RABGAP1L: variants seen among roughly 807,000 people sequenced by gnomAD.
RABGAP1L encodes rab GTPase-activating protein 1-like.
RABGAP1L carries 63 observed loss-of-function variants against 137.7 expected under a neutral mutation model. The ratio of observed to expected loss-of-function variants is 0.46; its 90% CI spans 0.37 to 0.56. The LOEUF (loss-of-function observed/expected upper bound fraction) is 0.56, where lower values mean the gene tolerates loss of function less well. RABGAP1L is among the 20% of genes least tolerant of loss of function. The pLI is 0.00. For synonymous variants in RABGAP1L, 431 were observed against 433.7 expected, an observed-to-expected ratio of 0.99 and a Z score of 0.08; for missense variants, 1,095 against 1,244.0, an observed-to-expected ratio of 0.88 and a Z score of 1.80.
At chr1:174,189,843 G>T (rs1031171243) in intron 1 of RABGAP1L, among the ~76,000 whole-genome samples, 1 of 152,186 alleles carries the variant, frequency 6.6e-6, no homozygotes, top group Non-Finnish European at 1.5e-5. Flanking sequence ...GTGGTTGTGT[G>T]TGCCTGTAGT....
intron 18 of RABGAP1L, chr1:174,800,625 A>G: frequency 7.1e-7 from 1 of 1,404,016 alleles, no homozygotes; most frequent in Non-Finnish European, 9.5e-7. Context: ...TCTGCCGAGA[A>G]GGAAATGCTG....
chr1:174,392,262 A>G (rs1247689084), intron 12 of RABGAP1L, among the ~76,000 whole-genome samples: 1 of 152,214 alleles, frequency 6.6e-6, no homozygotes, highest in Non-Finnish European at 1.5e-5. Context: ...TTCCCTTTTA[A>G]TTCTATTACA....
intron 13 of RABGAP1L, among the ~76,000 whole-genome samples, chr1:174,506,641 G>A (rs775320624): frequency 3.9e-5 from 6 of 152,054 alleles, no homozygotes; most frequent in South Asian, 2.1e-4. Flanking sequence ...TAGGTAATGC[G>A]TGTGTTAAAT....
intron 13 of RABGAP1L, among the ~76,000 whole-genome samples, chr1:174,615,262 G>A (rs10912815): frequency 0.14 from 21,671 of 152,028 alleles, 5,171 homozygotes; most frequent in African/African-American, 0.49. Flanking sequence ...TTTTGGTGTG[G>A]ATGTCCTGTT....
chr1:174,653,609 A>G (rs1256572148), intron 14 of RABGAP1L, among the ~76,000 whole-genome samples: 1 of 152,180 alleles, frequency 6.6e-6, no homozygotes, highest in Non-Finnish European at 1.5e-5. Context: ...CTGTCTAACC[A>G]GTCTCAATGA....
chr1:174,328,476 A>C (rs866192018), intron 11 of RABGAP1L, among the ~76,000 whole-genome samples: 2 of 152,124 alleles, frequency 1.3e-5, no homozygotes, highest in Non-Finnish European at 2.9e-5. Flanking sequence ...AAGGGAATTT[A>C]AAAAATTTCT....
chr1:174,473,682 T>C (rs1658188070), intron 13 of RABGAP1L, among the ~76,000 whole-genome samples: 1 of 152,176 alleles, frequency 6.6e-6, no homozygotes, highest in African/African-American at 2.4e-5. Context: ...CTTTAAAAGT[T>C]CTCAAACTTT....
At chr1:174,868,959 A>G (rs978427004) in intron 19 of RABGAP1L, among the ~76,000 whole-genome samples, 1 of 152,032 alleles carries the variant, frequency 6.6e-6, no homozygotes, top group Non-Finnish European at 1.5e-5. Flanking sequence ...ATTGTATGAC[A>G]CTGTTATTCA....
intron 13 of RABGAP1L, among the ~76,000 whole-genome samples, chr1:174,590,176 T>C (rs1669474721): frequency 6.8e-6 from 1 of 147,312 alleles, no homozygotes; most frequent in Non-Finnish European, 1.5e-5. Context: ...CTTCTTTTAT[T>C]TATAAATTAC....
intron 14 of RABGAP1L, among the ~76,000 whole-genome samples, chr1:174,678,643 C>CCCAAGATGGTGGCGGGCTGCTT (rs1677822328): frequency 1.3e-5 from 2 of 152,104 alleles, no homozygotes; most frequent in South Asian, 2.1e-4. Context: ...TCTTAGAGTT[C>CCCAAGATGGTGGCGGGCTGCTT]CCAAGATGGT....
chr1:174,161,377 G>A (rs1664438559), intron 1 of RABGAP1L, among the ~76,000 whole-genome samples: 1 of 152,030 alleles, frequency 6.6e-6, no homozygotes, highest in South Asian at 2.1e-4. Context: ...TGTGTAGCTG[G>A]GACTACAGGC....
At chr1:174,767,119 G>T (rs76603308) in intron 18 of RABGAP1L, among the ~76,000 whole-genome samples, 3,372 of 152,248 alleles carry the variant, frequency 0.022, 56 homozygotes, top group Middle Eastern at 0.085. Context: ...ATCTTCCATG[G>T]ATTTGATTGA....
chr1:174,340,212 C>A (rs1400735282), intron 11 of RABGAP1L, among the ~76,000 whole-genome samples: 1 of 152,092 alleles, frequency 6.6e-6, no homozygotes, highest in Admixed American at 6.5e-5. Context: ...CTCTTTATTT[C>A]TTTCTAATTT....
At chr1:174,736,235 A>C (rs1682934724) in intron 17 of RABGAP1L, among the ~76,000 whole-genome samples, 1 of 152,246 alleles carries the variant, frequency 6.6e-6, no homozygotes, top group Admixed American at 6.5e-5. Flanking sequence ...GCACTGGGTA[A>C]ACATTCCCAT....
At chr1:174,384,031 T>A (rs1214328027) in intron 12 of RABGAP1L, among the ~76,000 whole-genome samples, 1 of 152,168 alleles carries the variant, frequency 6.6e-6, no homozygotes, top group African/African-American at 2.4e-5. Flanking sequence ...ACAACCCAAA[T>A]GTCCGTCAAA....
chr1:174,363,424 T>C (rs1388010884), intron 11 of RABGAP1L, among the ~76,000 whole-genome samples: 3 of 152,230 alleles, frequency 2.0e-5, no homozygotes, highest in Non-Finnish European at 4.4e-5. Context: ...GAGCATGGAA[T>C]GTTTTTCATT....
At chr1:174,844,076 T>C (rs1247213195) in intron 19 of RABGAP1L, among the ~76,000 whole-genome samples, 1 of 151,684 alleles carries the variant, frequency 6.6e-6, no homozygotes, top group Admixed American at 6.6e-5. Flanking sequence ...GATGGGGTTG[T>C]TTTTTTCTTG....
intron 12 of RABGAP1L, among the ~76,000 whole-genome samples, chr1:174,383,611 G>A (rs1018167742): frequency 5.9e-5 from 9 of 152,134 alleles, no homozygotes; most frequent in Non-Finnish European, 8.8e-5. Context: ...GACCCCTTGC[G>A]CTTCCCAAGT....
intron 19 of RABGAP1L, among the ~76,000 whole-genome samples, chr1:174,900,722 G>A (rs185240904): frequency 1.3e-5 from 2 of 152,142 alleles, no homozygotes; most frequent in African/African-American, 4.8e-5. Context: ...GTTTCACCAT[G>A]TTGGCCAGGC....
Sources: gnomAD v4.1 joint callset for allele counts (sites outside exome capture counted in the v4.1 genomes callset) on GRCh38, gnomAD v4.1.1 for gene constraint, MANE v1.5 for transcripts, NCBI Gene and HGNC (gene_info 2026-07-23, HGNC 2026-07-21) for gene names.